Variants in SAYSD1 observed in about 807,000 individuals in gnomAD.
SAYSD1 encodes SAYSvFN domain-containing protein 1.
SAYSD1 carries 15 observed loss-of-function variants against 14.5 expected under a neutral mutation model. The observed-to-expected ratio is 1.03, with a 90% CI of 0.69 to 1.59. SAYSD1 has a LOEUF of 1.59. Ranked by LOEUF, SAYSD1 falls within the 40% of genes most tolerant of loss-of-function variation. The pLI, the probability that SAYSD1 is intolerant of heterozygous loss-of-function variation, is 0.00. For synonymous variants in SAYSD1, 105 were observed against 102.6 expected, an observed-to-expected ratio of 1.02 and a Z score of -0.14; for missense variants, 247 against 227.3, an observed-to-expected ratio of 1.09 and a Z score of -0.56.
intron 1 of SAYSD1, 53 bp from the exon 2 acceptor site, chr6:39,105,829 G>A (rs1220164948): frequency 1.3e-6 from 2 of 1,516,982 alleles, no homozygotes; most frequent in Non-Finnish European, 1.8e-6. Context: ...GAGCTGAGAT[G>A]ATCAAAACTA....
rs1035578902 is a variant in SAYSD1 at position 39,114,916 on chromosome 6, G to A, written c.174C>T (p.Pro58=). Residue 58 remains proline, a synonymous_variant, in exon 1 of 2, where the codon CCC becomes CCT. Coordinates refer to ENST00000229903, the MANE Select transcript of SAYSD1 (RefSeq NM_018322.3). ...GGCCGGGCTGGGCCCGGGCACTCGCGGGCCTAGGTTTCCATACCAGGAACC... is the reference window on the plus strand; with the variant it reads ...GGCCGGGCTGGGCCCGGGCACTCGCAGGCCTAGGTTTCCATACCAGGAACC... ...LKRFLVWKPR[P]ASARAQPGLV... is the part of the protein sequence containing the mutation. The A allele has an allele frequency of 1.2e-6, 2 of 1,612,754 alleles. No individual in the cohort carries two copies. The highest frequency in any genetic ancestry group is 1.3e-5 in the African/African-American group (1 of 74,926).
intron 1 of SAYSD1, among the ~76,000 whole-genome samples, chr6:39,107,503 A>G (rs936786892): frequency 3.3e-5 from 5 of 152,202 alleles, no homozygotes; most frequent in Admixed American, 2.0e-4. Context: ...TTAGGTTCTC[A>G]ATTCATAGCA....
chr6:39,113,538 A>C (rs577586919), intron 1 of SAYSD1: 1 of 152,680 alleles, frequency 6.5e-6, no homozygotes, highest in Non-Finnish European at 1.5e-5. Context: ...AGAGCAATTA[A>C]CAAGAAACTG....
chr6:39,105,738 T>G lies in SAYSD1; in HGVS notation c.246A>C (p.Pro82=), dbSNP rs1399349973. Residue 82 remains proline, a synonymous_variant, in exon 2 of 2, where the codon CCA becomes CCC. Coordinates refer to ENST00000229903, the MANE Select transcript of SAYSD1 (RefSeq NM_018322.3). ...ACGGCAGAGGAATGGCTGTGTTCCATGGTGTCTCTGATGTGCTGCCCTGGG... is the reference window on the plus strand; with the variant it reads ...ACGGCAGAGGAATGGCTGTGTTCCAGGGTGTCTCTGATGTGCTGCCCTGGG... The part of the protein sequence containing the change: ...AQPQGSTSET[P]WNTAIPLPSC... The G allele has an allele frequency of 1.2e-6, 2 of 1,614,026 alleles. No individual in the cohort carries two copies. The highest frequency in any genetic ancestry group is 1.3e-5 in the African/African-American group (1 of 74,932).
At chr6:39,108,476 C>T (rs531253123) in intron 1 of SAYSD1, among the ~76,000 whole-genome samples, 24 of 152,068 alleles carry the variant, frequency 1.6e-4, no homozygotes, top group Admixed American at 1.2e-3. Context: ...AGGAGAGATA[C>T]GGACATTCTT....
At chr6:39,107,372 G>A (rs1401284167) in intron 1 of SAYSD1, among the ~76,000 whole-genome samples, 1 of 152,188 alleles carries the variant, frequency 6.6e-6, no homozygotes, top group East Asian at 1.9e-4. Flanking sequence ...CGTTCATTAA[G>A]CACCAAACTA....
chr6:39,110,502 C>T (rs1450908384), intron 1 of SAYSD1: 1 of 152,798 alleles, frequency 6.5e-6, no homozygotes, highest in African/African-American at 2.4e-5. Context: ...GGCACCAACC[C>T]AGATCTTATG....
chr6:39,109,235 G>C (rs1454036697), intron 1 of SAYSD1: 1 of 1,307,052 alleles, frequency 7.7e-7, no homozygotes, highest in African/African-American at 1.5e-5. Flanking sequence ...TTCTGGGGCA[G>C]GGTGGTGTGC....
chr6:39,111,094 T>A lies in SAYSD1; in HGVS notation c.207+3789A>T, dbSNP rs530439950. ...AACCAGATGATGAAGACTTGACTTT[T>A]ACTACCAAGCAGTGTATCCCTGAGA... On this transcript the variant is annotated intron_variant, in intron 1 of 1. Coordinates refer to ENST00000229903, the MANE Select transcript of SAYSD1 (RefSeq NM_018322.3). The A allele has an allele frequency of 2.0e-5, 3 of 152,328 alleles. No homozygotes were observed. In the South Asian group the frequency reaches 6.2e-4, roughly 32 times the overall value. 9.4% of individuals were successfully genotyped at this position (152,328 alleles called of 1,614,324 possible). A position where few individuals can be genotyped will look rare whatever the true frequency, so the allele number is the denominator to read the frequency against.
chr6:39,108,729 G>A (rs1224600282), intron 1 of SAYSD1, among the ~76,000 whole-genome samples: 8 of 152,204 alleles, frequency 5.3e-5, no homozygotes, highest in South Asian at 2.1e-4. Flanking sequence ...AAATGTCACC[G>A]TATGTGCCCT....
chr6:39,113,542 G>T (rs1413135290), intron 1 of SAYSD1: 2 of 152,608 alleles, frequency 1.3e-5, no homozygotes, highest in Non-Finnish European at 2.9e-5. Context: ...CAATTAACAA[G>T]AAACTGGAGG....
At position 39,110,690 on chromosome 6, in the gene SAYSD1, G is replaced by A. The variant is rs1006945289; in HGVS notation, c.207+4193C>T. 4.7e-5 allele frequency: 5 copies of A among 107,414 alleles called. No homozygotes were observed. In the Admixed American group the frequency reaches 4.7e-4, roughly 10 times the overall value. The allele number at this position is 107,414 out of a possible 1,614,324, so 6.7% of individuals were successfully genotyped here. A position where few individuals can be genotyped will look rare whatever the true frequency, so the allele number is the denominator to read the frequency against. The stretch of plus-strand genomic sequence containing the variant: ...TATAGTTTGCAAAACACAGCAAAAG[G>A]TGGAATTTTAGTGAAGAAACAAGCA... On this transcript the variant is annotated intron_variant, in intron 1 of 1. Transcript: ENST00000229903.
chr6:39,115,168 C>T lies in SAYSD1; in HGVS notation c.-79G>A. On this transcript the variant is annotated 5_prime_UTR_variant, in exon 1 of 2. Transcript: ENST00000229903. Reference sequence around the variant, plus strand: ...ACAGCAGTTGCCTCCGCTCGGCCCGCGCCGGCCGCCGTGCGCCTGCGTGGC... The same window carrying T: ...ACAGCAGTTGCCTCCGCTCGGCCCGTGCCGGCCGCCGTGCGCCTGCGTGGC... 2 of 1,353,764 alleles carry T rather than the reference C, an allele frequency of 1.5e-6. No homozygotes were observed. The highest frequency in any genetic ancestry group is 2.0e-6 in the Non-Finnish European group (2 of 1,023,216). 83.9% of individuals were successfully genotyped at this position (1,353,764 alleles called of 1,614,324 possible). A position where few individuals can be genotyped will look rare whatever the true frequency, so the allele number is the denominator to read the frequency against.
rs1583671010 is a variant in SAYSD1, at chr6:39,115,138, G to T, written c.-49C>A. 1 of 1,545,836 alleles carries T rather than the reference G, an allele frequency of 6.5e-7. No homozygotes were observed. The highest frequency in any genetic ancestry group is 1.2e-5 in the South Asian group (1 of 85,514). ...CCGATAAGGGAGCGCGCGCCCGCAG[G>T]CCGCACAGCAGTTGCCTCCGCTCGG... On this transcript the variant is annotated 5_prime_UTR_variant, in exon 1 of 2. Transcript: ENST00000229903.
At position 39,115,157 on chromosome 6, in the gene SAYSD1, C is replaced by T; in HGVS notation, c.-68G>A. On this transcript the variant is annotated 5_prime_UTR_variant, in exon 1 of 2. Transcript: ENST00000229903. ...CCGCAGGCCGCACAGCAGTTGCCTC[C>T]GCTCGGCCCGCGCCGGCCGCCGTGC... 7.0e-7 allele frequency: 1 copy of T among 1,423,556 alleles called. No individual in the cohort carries two copies. Among genetic ancestry groups the T allele is most frequent in the Non-Finnish European group, 9.3e-7 (1 of 1,077,622 alleles). The allele number at this position is 1,423,556 out of a possible 1,614,324, so 88.2% of individuals were successfully genotyped here. A position where few individuals can be genotyped will look rare whatever the true frequency, so the allele number is the denominator to read the frequency against.
Position 39,104,486 on chromosome 6 carries a change from A to G in SAYSD1, c.*946T>C, listed in dbSNP as rs1769455018. On this transcript the variant is annotated 3_prime_UTR_variant, in exon 2 of 2. Coordinates refer to ENST00000229903, the MANE Select transcript of SAYSD1 (RefSeq NM_018322.3). ...CTTACTCTAAAGCCCTTAGAACCGT[A>G]TTGTGAACTGCGCATGCGAGGGATC... The G allele has an allele frequency of 1.3e-5, 2 of 152,082 alleles. No individual in the cohort carries two copies. The highest frequency in any genetic ancestry group is 2.9e-5 in the Non-Finnish European group (2 of 68,048). The allele number at this position is 152,082 out of a possible 1,614,324, so 9.4% of individuals were successfully genotyped here.
chr6:39,108,354 T>C (rs1220353251), intron 1 of SAYSD1, among the ~76,000 whole-genome samples: 1 of 150,760 alleles, frequency 6.6e-6, no homozygotes, highest in Non-Finnish European at 1.5e-5. Context: ...CCAAAATATA[T>C]TTTATTTAAT....
chr6:39,109,490 T>C, intron 1 of SAYSD1: 1 of 1,492,180 alleles, frequency 6.7e-7, no homozygotes, highest in Non-Finnish European at 8.9e-7. Context: ...GGCAGAGGCA[T>C]CATTGCAGTC....
rs1769724745 is a variant in SAYSD1, at chr6:39,115,145, A to G, written c.-56T>C. On this transcript the variant is annotated 5_prime_UTR_variant, in exon 1 of 2. Transcript: ENST00000229903. ...GGGAGCGCGCGCCCGCAGGCCGCAC[A>G]GCAGTTGCCTCCGCTCGGCCCGCGC... 2 of 1,498,142 alleles carry G rather than the reference A, an allele frequency of 1.3e-6. No individual in the cohort carries two copies. Among genetic ancestry groups the G allele is most frequent in the Non-Finnish European group, 1.8e-6 (2 of 1,125,120 alleles). The allele number at this position is 1,498,142 out of a possible 1,614,324, so 92.8% of individuals were successfully genotyped here.
Sources: gnomAD v4.1 joint callset for allele counts (sites outside exome capture counted in the v4.1 genomes callset) on GRCh38, gnomAD v4.1.1 for gene constraint, MANE v1.5 for transcripts, NCBI Gene and HGNC (gene_info 2026-07-23, HGNC 2026-07-21) for gene names.